The following IL1RL2 variants were observed in gnomAD, a reference collection of about 807,000 sequenced individuals.
IL1RL2 encodes interleukin 1 receptor like 2, also known as interleukin-1 receptor-like 2.
IL1RL2 carries 68 observed loss-of-function variants against 66.8 expected under a neutral mutation model. The ratio of observed to expected loss-of-function variants is 1.02; its 90% CI spans 0.84 to 1.25. IL1RL2 has a LOEUF of 1.25. Ranked by LOEUF, IL1RL2 falls within the 50% of genes most tolerant of loss-of-function variation. IL1RL2 has a pLI of 0.00. For missense variants in IL1RL2, 729 were observed against 709.3 expected (o/e 1.03, Z -0.32); for synonymous variants, 305 against 264.6 (o/e 1.15, Z -1.48).
intron 9 of IL1RL2, among the ~76,000 whole-genome samples, chr2:102,229,960 G>T (rs1307492350): frequency 6.6e-6 from 1 of 152,228 alleles, no homozygotes; most frequent in African/African-American, 2.4e-5. Flanking sequence ...AGGTTTGTTT[G>T]TTTGTTTTAA....
chr2:102,232,848 A>G, intron 9 of IL1RL2, 115 bp from the exon 10 acceptor site: 1 of 1,197,016 alleles, frequency 8.4e-7, no homozygotes, highest in Non-Finnish European at 1.2e-6. Flanking sequence ...CTGGGCACTC[A>G]GAAGTCATGG....
intron 6 of IL1RL2, among the ~76,000 whole-genome samples, chr2:102,214,000 T>A (rs971232515): frequency 5.3e-5 from 8 of 152,192 alleles, no homozygotes; most frequent in Non-Finnish European, 1.0e-4. Context: ...TCTGTTTAAA[T>A]GCCTCTAGGC....
At chr2:102,231,639 G>A (rs553074754) in intron 9 of IL1RL2, among the ~76,000 whole-genome samples, 5 of 151,878 alleles carry the variant, frequency 3.3e-5, no homozygotes, top group East Asian at 1.9e-4. Flanking sequence ...GACTCTCGTC[G>A]CCTCGTAGAG....
At chr2:102,198,397 T>A (rs892643828) in intron 4 of IL1RL2, among the ~76,000 whole-genome samples, 5 of 152,174 alleles carry the variant, frequency 3.3e-5, no homozygotes, top group Admixed American at 3.3e-4. Flanking sequence ...AAGACATCTG[T>A]CTACACCTGG....
intron 8 of IL1RL2, among the ~76,000 whole-genome samples, chr2:102,222,901 T>G (rs931173795): frequency 7.2e-5 from 11 of 152,116 alleles, no homozygotes; most frequent in African/African-American, 2.7e-4. Flanking sequence ...AACCTAGAAG[T>G]TTGAGTTCTT....
chr2:102,190,678 G>A (rs1415344573), intron 3 of IL1RL2, among the ~76,000 whole-genome samples: 1 of 152,164 alleles, frequency 6.6e-6, no homozygotes, highest in African/African-American at 2.4e-5. Context: ...AACCGCTCAG[G>A]GCACGTGGAG....
intron 6 of IL1RL2, among the ~76,000 whole-genome samples, chr2:102,215,714 C>T (rs1689554677): frequency 6.6e-6 from 1 of 152,162 alleles, no homozygotes. Flanking sequence ...ACTGCCAGTA[C>T]AAACTCCTGC....
chr2:102,222,961 A>G (rs1188450751), intron 8 of IL1RL2, among the ~76,000 whole-genome samples: 1 of 152,186 alleles, frequency 6.6e-6, no homozygotes. Context: ...CCATCCCAAT[A>G]CTGACTTGTT....
chr2:102,210,511 C>T (rs112228645), intron 5 of IL1RL2, among the ~76,000 whole-genome samples: 4,083 of 152,054 alleles, frequency 0.027, 134 homozygotes, highest in African/African-American at 0.073. Context: ...GGTACAGAAG[C>T]GCAGGTAAGG....
chr2:102,228,469 G>A lies in IL1RL2; in HGVS notation c.1135+2428G>A, dbSNP rs191487999. 2.6e-5 allele frequency among the ~76,000 whole-genome samples: 4 copies of A among 152,354 alleles called. No homozygotes were observed. The South Asian group carries it at 8.3e-4, about 32-fold the overall frequency. On this transcript the variant is annotated intron_variant, in intron 9 of 11. Coordinates refer to ENST00000264257, the MANE Select transcript of IL1RL2 (RefSeq NM_003854.4). ...GGAGCCATTGACAGCCCTAGCTGAA[G>A]TCAGCAAGTTCTGTATCTTCTCTAG...
chr2:102,234,824 A>T, intron 10 of IL1RL2, 73 bp from the exon 11 acceptor site: 2 of 1,382,434 alleles, frequency 1.4e-6, no homozygotes, highest in East Asian at 2.3e-5. Context: ...CCTGTTTCAA[A>T]CATTCTCACT....
In IL1RL2 at chr2:102,187,862, T is replaced by C. The variant is rs201029861; in HGVS notation, c.-6T>C. ...TCTTCTCCCTTCCTTGCAGCCCGGT[T>C]TGGGGATGTGGTCCTTGCTGCTCTG... On this transcript the variant is annotated 5_prime_UTR_variant, in exon 2 of 12. Transcript: ENST00000264257. The C allele has an allele frequency of 6.2e-7, 1 of 1,613,978 alleles. No individual in the cohort carries two copies. Among genetic ancestry groups the C allele is most frequent in the South Asian group, 1.1e-5 (1 of 91,074 alleles).
At chr2:102,213,012 A>T (rs999226926) in intron 6 of IL1RL2, among the ~76,000 whole-genome samples, 1 of 152,192 alleles carries the variant, frequency 6.6e-6, no homozygotes, top group African/African-American at 2.4e-5. Flanking sequence ...CTAGTAAAAT[A>T]AATATGTTGT....
At chr2:102,207,432 CA>C (rs1266934328) in intron 5 of IL1RL2, among the ~76,000 whole-genome samples, 5 of 152,132 alleles carry the variant, frequency 3.3e-5, no homozygotes, top group Admixed American at 3.3e-4. Context: ...ATTCATGGCA[CA>C]AGGACTCTTA....
chr2:102,192,154 C>T, intron 4 of IL1RL2, 34 bp downstream of exon 4: 1 of 1,432,796 alleles, frequency 7.0e-7, no homozygotes, highest in South Asian at 1.4e-5. Context: ...TATTTTTCCT[C>T]CTTTTCTTTA....
intron 5 of IL1RL2, among the ~76,000 whole-genome samples, chr2:102,204,256 A>G (rs1278288608): frequency 6.6e-6 from 1 of 152,086 alleles, no homozygotes; most frequent in Non-Finnish European, 1.5e-5. Context: ...GCTTGATATT[A>G]TTCCAATTTT....
At chr2:102,195,645 CTCTTTCTTTCTTTCTT>C (rs1219065291) in intron 4 of IL1RL2, among the ~76,000 whole-genome samples, 229 of 20,244 alleles carry the variant, frequency 0.011, 2 homozygotes, top group African/African-American at 0.024. Flanking sequence ...CTCTCTCTCT[CTCTTTCTTTCTTTCTT>C]TCTTTCTTTC....
chr2:102,205,910 G>A (rs1462893873), intron 5 of IL1RL2, among the ~76,000 whole-genome samples: 1 of 152,054 alleles, frequency 6.6e-6, no homozygotes, highest in Non-Finnish European at 1.5e-5. Context: ...TGTATGCAAT[G>A]CTTCATTGTT....
intron 4 of IL1RL2, among the ~76,000 whole-genome samples, chr2:102,197,329 C>T (rs533040670): frequency 1.3e-5 from 2 of 151,998 alleles, no homozygotes; most frequent in South Asian, 4.2e-4. Flanking sequence ...AGTTGAGGTA[C>T]TGGAAGGGAA....
Sources: allele counts gnomAD v4.1 joint callset (sites outside exome capture counted in the v4.1 genomes callset), GRCh38; gene constraint gnomAD v4.1.1; transcripts MANE v1.5; gene names NCBI Gene and HGNC (gene_info 2026-07-23, HGNC 2026-07-21).